ST6GALNAC1: variants seen among roughly 807,000 people sequenced by gnomAD.
ST6GALNAC1 encodes the protein alpha-N-acetylgalactosaminide alpha-2,6-sialyltransferase 1.
ST6GALNAC1 carries 45 observed loss-of-function variants against 56.8 expected under a neutral mutation model. That is an observed-to-expected ratio of 0.79 (90% CI 0.62 to 1.02). The LOEUF (loss-of-function observed/expected upper bound fraction) is 1.02, where lower values mean the gene tolerates loss of function less well. Among genes scored for constraint, ST6GALNAC1 ranks in the 50% least tolerant of loss-of-function variants. The pLI, the probability that ST6GALNAC1 is intolerant of heterozygous loss-of-function variation, is 0.00. For missense variants in ST6GALNAC1, 743 were observed against 754.8 expected (o/e 0.98, Z 0.18); for synonymous variants, 295 against 297.8 (o/e 0.99, Z 0.10).
chr17:76,618,945 A>G, the ST6GALNAC1 span, among the ~76,000 whole-genome samples: 1 of 152,168 alleles, frequency 6.6e-6, no homozygotes. Flanking sequence ...CCCTGCCTCA[A>G]AAGAAAAAGA....
intron 1 of ST6GALNAC1, among the ~76,000 whole-genome samples, chr17:76,642,153 CATCT>C (rs1216543942): frequency 4.6e-5 from 7 of 151,254 alleles, no homozygotes; most frequent in African/African-American, 1.7e-4. Context: ...TCTATATCTC[CATCT>C]ATCTATCCAT....
Position 76,629,258 on chromosome 17 carries a change from G to C in ST6GALNAC1, c.585C>G (p.Leu195=). ...QGKAATTAKT[L]IPKSQHRMLA... is the part of the protein sequence containing the mutation. ...GCATTCTGTGCTGACTTTTGGGAATGAGCGTCTTGGCTGTGGTTGCCGCTT... is the reference window on the plus strand; with the variant it reads ...GCATTCTGTGCTGACTTTTGGGAATCAGCGTCTTGGCTGTGGTTGCCGCTT... The change falls in exon 2 of 9, where the codon CTC becomes CTG. Residue 195 remains leucine, a synonymous_variant. Transcript: ENST00000156626. The C allele has an allele frequency of 6.2e-7, 1 of 1,614,170 alleles. No individual in the cohort carries two copies. Among genetic ancestry groups the C allele is most frequent in the South Asian group, 1.1e-5 (1 of 91,076 alleles).
chr17:76,628,239 TCTCCCTCCCTCCCTCC>T (rs1219647855), intron 2 of ST6GALNAC1, among the ~76,000 whole-genome samples: 5 of 61,680 alleles, frequency 8.1e-5, no homozygotes, highest in Admixed American at 7.3e-4. Context: ...TTATGGGCCT[TCTCCCTCCCTCCCTCC>T]CTCCCTCCCT....
Position 76,627,863 on chromosome 17 carries a change from C to T in ST6GALNAC1, c.832-280G>A, listed in dbSNP as rs570398019. 3.9e-5 allele frequency among the ~76,000 whole-genome samples: 6 copies of T among 152,028 alleles called. No individual in the cohort carries two copies. The highest frequency in any genetic ancestry group is 4.8e-5 in the African/African-American group (2 of 41,446). ...CTGTAATCCTAGCACTTTGGGAGGCCGAGGCGGGTGGATCACAAGGTCAGG... is the reference window on the plus strand; with the variant it reads ...CTGTAATCCTAGCACTTTGGGAGGCTGAGGCGGGTGGATCACAAGGTCAGG... On this transcript the variant is annotated intron_variant, in intron 2 of 8. Coordinates refer to ENST00000156626, the MANE Select transcript of ST6GALNAC1 (RefSeq NM_018414.5). The surrounding 1 kb of genome is among the most constrained non-coding windows in gnomAD (Gnocchi z 4.4).
intron 1 of ST6GALNAC1, among the ~76,000 whole-genome samples, chr17:76,635,627 ACT>A (rs1481314565): frequency 3.3e-5 from 5 of 152,152 alleles, no homozygotes; most frequent in South Asian, 2.1e-4. Flanking sequence ...GCAAAGAGAG[ACT>A]CTGTCTCAAA....
chr17:76,619,740 G>GTTTTTTT, the ST6GALNAC1 span, among the ~76,000 whole-genome samples: 23 of 101,588 alleles, frequency 2.3e-4, 1 homozygote, highest in East Asian at 1.6e-3. Context: ...AATAATGTTA[G>GTTTTTTT]TTTTTTTTTT....
At position 76,637,209 on chromosome 17, in the gene ST6GALNAC1, A is replaced by G. The variant is rs571158269; in HGVS notation, c.131+6299T>C. ...TTTATCTGCTGACCTTCCCTCCACT[A>G]TTGTCCTATGACCCTGCCAAATCCC... is the stretch of plus-strand genomic sequence containing the variant. On this transcript the variant is annotated intron_variant, in intron 1 of 8. Transcript: ENST00000156626. Among the ~76,000 whole-genome samples the G allele has an allele frequency of 8.1e-4, 105 of 130,042 alleles. 1 individual carries two copies. The highest frequency in any genetic ancestry group is 2.8e-3 in the African/African-American group (95 of 33,794). The allele number at this position is 130,042 out of a possible 152,430, so 85.3% of individuals were successfully genotyped here.
chr17:76,639,696 C>A (rs1049076873), intron 1 of ST6GALNAC1, among the ~76,000 whole-genome samples: 1 of 129,988 alleles, frequency 7.7e-6, no homozygotes, highest in African/African-American at 2.9e-5. Context: ...CACACACACA[C>A]TAGGTGTTCT....
chr17:76,634,555 C>A (rs1292798674), intron 1 of ST6GALNAC1, among the ~76,000 whole-genome samples: 1 of 151,228 alleles, frequency 6.6e-6, no homozygotes, highest in Non-Finnish European at 1.5e-5. Flanking sequence ...GAGATAGAAA[C>A]CAGCCATTCT....
downstream of ST6GALNAC1, among the ~76,000 whole-genome samples, chr17:76,621,626 C>A (rs2075741681): frequency 6.6e-6 from 1 of 152,156 alleles, no homozygotes. Context: ...CAGGCGCCCA[C>A]CACCACACCC....
downstream of ST6GALNAC1, among the ~76,000 whole-genome samples, chr17:76,622,278 T>C (rs999676070): frequency 6.6e-6 from 1 of 151,546 alleles, no homozygotes; most frequent in African/African-American, 2.4e-5. Flanking sequence ...TAACCATTTA[T>C]CTGTGATATA....
intron 1 of ST6GALNAC1, among the ~76,000 whole-genome samples, chr17:76,639,172 G>T (rs1318886895): frequency 6.6e-6 from 1 of 152,230 alleles, no homozygotes; most frequent in African/African-American, 2.4e-5. Context: ...AAGTTTAAAC[G>T]TTTTGGCCTG....
In ST6GALNAC1 at chr17:76,625,220, A is replaced by G; in HGVS notation, c.*110T>C. 1 of 1,176,088 alleles carries G rather than the reference A, an allele frequency of 8.5e-7. No individual in the cohort carries two copies. The highest frequency in any genetic ancestry group is 1.2e-6 in the Non-Finnish European group (1 of 839,034). 72.9% of individuals were successfully genotyped at this position (1,176,088 alleles called of 1,614,324 possible). On this transcript the variant is annotated 3_prime_UTR_variant, in exon 9 of 9. Transcript: ENST00000156626. ...TCAAGTGTTCCCTTGGAACTCCTGA[A>G]GGGCTTGGAGCTTAGTCTGAGCCAT...
intron 8 of ST6GALNAC1, 54 bp from the exon 9 acceptor site, chr17:76,625,581 C>T (rs1390639887): frequency 4.3e-5 from 68 of 1,585,976 alleles, no homozygotes; most frequent in Non-Finnish European, 5.8e-5. Flanking sequence ...GCCCAGGCTT[C>T]TTCTCATGGC....
downstream of ST6GALNAC1, among the ~76,000 whole-genome samples, chr17:76,621,182 C>CCTTT (rs1555633321): frequency 9.5e-6 from 1 of 105,326 alleles, no homozygotes; most frequent in African/African-American, 3.5e-5. Flanking sequence ...TTCTTTCTTT[C>CCTTT]TTTCTTTTTT....
intron 1 of ST6GALNAC1, among the ~76,000 whole-genome samples, chr17:76,642,749 G>A (rs1204014887): frequency 6.6e-6 from 1 of 152,032 alleles, no homozygotes; most frequent in Admixed American, 6.6e-5. Flanking sequence ...TGGCCAACAT[G>A]GTGAAAACCT....
chr17:76,619,177 C>G, the ST6GALNAC1 span, among the ~76,000 whole-genome samples: 12 of 152,094 alleles, frequency 7.9e-5, no homozygotes, highest in African/African-American at 2.9e-4. Context: ...ATAAAATGTT[C>G]CAGGTTCATT....
chr17:76,628,769 T>TA (rs765514116), intron 2 of ST6GALNAC1, among the ~76,000 whole-genome samples: 8 of 152,186 alleles, frequency 5.3e-5, no homozygotes, highest in Non-Finnish European at 1.2e-4. Flanking sequence ...TCACCCCTCT[T>TA]ACGCTGTCCA....
At chr17:76,637,950 C>A (rs1416637022) in intron 1 of ST6GALNAC1, among the ~76,000 whole-genome samples, 1 of 152,044 alleles carries the variant, frequency 6.6e-6, no homozygotes, top group Non-Finnish European at 1.5e-5. Context: ...GTGCCTCAAC[C>A]CCCTGAGTAG....
Sources: gnomAD v4.1 joint callset for allele counts (sites outside exome capture counted in the v4.1 genomes callset) on GRCh38, gnomAD v4.1.1 for gene constraint, Gnocchi (gnomAD v3.1) non-coding constraint, MANE v1.5 for transcripts, NCBI Gene and HGNC (gene_info 2026-07-23, HGNC 2026-07-21) for gene names.